The following AHI1 variants were observed in gnomAD, a reference collection of about 807,000 sequenced individuals.
The protein encoded by AHI1 is jouberin.
A neutral mutation model predicts 149.3 loss-of-function variants in AHI1; 123 were observed. That is an observed-to-expected ratio of 0.82 (90% CI 0.71 to 0.96). The LOEUF is 0.96. Ranked by LOEUF, AHI1 falls within the 40% of genes least tolerant of loss-of-function variation. AHI1 has a pLI of 0.00. For missense variants in AHI1, 1,439 were observed against 1,422.7 expected (o/e 1.01, Z -0.18); for synonymous variants, 475 against 459.8 (o/e 1.03, Z -0.42).
At chr6:135,361,003 C>A (rs993858208) in intron 23 of AHI1, among the ~76,000 whole-genome samples, 2 of 152,142 alleles carry the variant, frequency 1.3e-5, no homozygotes, top group Non-Finnish European at 2.9e-5. Flanking sequence ...TATCTTATTG[C>A]ATTTCTTTTT....
chr6:135,303,823 T>C (rs1473401110), intron 26 of AHI1, among the ~76,000 whole-genome samples: 1 of 152,182 alleles, frequency 6.6e-6, no homozygotes, highest in Non-Finnish European at 1.5e-5. Context: ...CACCCCCTGC[T>C]TCCCAACCCT....
rs151141283 is a variant in AHI1, at chr6:135,399,324, C to T, written c.2989-4428G>A. ...CTGATTCCGTTACTTCCTTAAGCTT[C>T]GTTAAAAGCTAAACTCCTTGAAAAA... On this transcript the variant is annotated intron_variant, in intron 22 of 28. Coordinates refer to ENST00000265602, the MANE Select transcript of AHI1 (RefSeq NM_001134831.2). Among the ~76,000 whole-genome samples, 448 of 152,318 alleles carry T rather than the reference C, an allele frequency of 2.9e-3. 2 individuals carry two copies. Among genetic ancestry groups the T allele is most frequent in the African/African-American group, 0.01 (422 of 41,572 alleles).
At chr6:135,482,268 G>A (rs1442164212) in intron 5 of AHI1, among the ~76,000 whole-genome samples, 1 of 152,026 alleles carries the variant, frequency 6.6e-6, no homozygotes, top group Non-Finnish European at 1.5e-5. Context: ...CTTTTTTAGT[G>A]GTATGCTGTT....
rs9402709 is a variant in AHI1, at chr6:135,492,113, G to T, written c.10+115C>A. On this transcript the variant is annotated intron_variant, in intron 4 of 28. Transcript: ENST00000265602. ...AGTATCTCTAAATGTAGTATATTTG[G>T]TCAATGACATCTACTGTATTCATTA... 0.86 allele frequency: 574,108 copies of T among 664,456 alleles called. 257,195 individuals are homozygous for T. Among genetic ancestry groups the T allele is most frequent in the East Asian group, 0.92 (29,990 of 32,620 alleles). The allele number at this position is 664,456 out of a possible 1,614,324, so 41.2% of individuals were successfully genotyped here. A position where few individuals can be genotyped will look rare whatever the true frequency, so the allele number is the denominator to read the frequency against.
chr6:135,434,205 AAC>A (rs1192433369), intron 15 of AHI1, among the ~76,000 whole-genome samples: 2 of 152,046 alleles, frequency 1.3e-5, no homozygotes, highest in Non-Finnish European at 2.9e-5. Flanking sequence ...GAGAAAAAAA[AAC>A]AGTTTCTATT....
chr6:135,451,426 T>C (rs894500988), intron 11 of AHI1, among the ~76,000 whole-genome samples: 1 of 152,146 alleles, frequency 6.6e-6, no homozygotes, highest in Non-Finnish European at 1.5e-5. Context: ...TATTATAGCA[T>C]GGAGTTTCAA....
intron 23 of AHI1, among the ~76,000 whole-genome samples, chr6:135,381,137 C>T (rs947584503): frequency 6.6e-6 from 1 of 151,690 alleles, no homozygotes; most frequent in Non-Finnish European, 1.5e-5. Context: ...CAAAATCAGA[C>T]TAAAAAGACT....
intron 26 of AHI1, chr6:135,302,807 T>C (rs1199543220): frequency 7.8e-7 from 1 of 1,289,076 alleles, no homozygotes; most frequent in Admixed American, 2.3e-5. Context: ...AGCTGTTTTG[T>C]TTTATTTTAC....
intron 24 of AHI1, among the ~76,000 whole-genome samples, chr6:135,338,681 A>C (rs1018456648): frequency 6.6e-6 from 1 of 152,232 alleles, no homozygotes; most frequent in African/African-American, 2.4e-5. Context: ...GCCAAATAAC[A>C]GTAAAAACAG....
chr6:135,479,346 G>A (rs1475087139), intron 5 of AHI1, among the ~76,000 whole-genome samples: 1 of 152,228 alleles, frequency 6.6e-6, no homozygotes, highest in Non-Finnish European at 1.5e-5. Context: ...ACCCTGCAGA[G>A]CCACAGGGTA....
At chr6:135,402,649 G>C (rs754318576) in intron 22 of AHI1, among the ~76,000 whole-genome samples, 3 of 151,920 alleles carry the variant, frequency 2.0e-5, no homozygotes, top group Non-Finnish European at 4.4e-5. Context: ...GAAATAGCAA[G>C]ACCAAACCCT....
intron 15 of AHI1, among the ~76,000 whole-genome samples, chr6:135,437,049 T>C (rs1785516247): frequency 6.6e-6 from 1 of 152,146 alleles, no homozygotes; most frequent in Non-Finnish European, 1.5e-5. Flanking sequence ...TGCCTCTTTG[T>C]TAAAAGAGAT....
intron 5 of AHI1, among the ~76,000 whole-genome samples, chr6:135,478,275 C>T (rs1793041243): frequency 6.6e-6 from 1 of 152,196 alleles, no homozygotes; most frequent in African/African-American, 2.4e-5. Flanking sequence ...TTTGGAACTT[C>T]ATAGAGACTT....
intron 9 of AHI1, 66 bp downstream of exon 9, chr6:135,457,428 A>G (rs1789144735): frequency 8.1e-7 from 1 of 1,228,166 alleles, no homozygotes; most frequent in Non-Finnish European, 1.2e-6. Flanking sequence ...TCAACTACCA[A>G]TGGCAGAAAA....
At chr6:135,400,503 C>G (rs1173414729) in intron 22 of AHI1, among the ~76,000 whole-genome samples, 1 of 150,924 alleles carries the variant, frequency 6.6e-6, no homozygotes, top group African/African-American at 2.4e-5. Flanking sequence ...AAGAAGCTTA[C>G]AGAGGTGTGT....
intron 23 of AHI1, among the ~76,000 whole-genome samples, chr6:135,382,135 T>C (rs181630572): frequency 2.8e-3 from 433 of 152,326 alleles, no homozygotes; most frequent in Non-Finnish European, 4.4e-3. Context: ...AAGAACAATG[T>C]TCCACTTTTT....
chr6:135,341,537 G>A (rs1029101232), intron 24 of AHI1, among the ~76,000 whole-genome samples: 1 of 151,956 alleles, frequency 6.6e-6, no homozygotes, highest in Non-Finnish European at 1.5e-5. Flanking sequence ...ACATATTCTT[G>A]TCCACAGAAC....
intron 27 of AHI1, 133 bp downstream of exon 27, chr6:135,300,367 C>A: frequency 4.3e-5 from 35 of 817,312 alleles, no homozygotes; most frequent in South Asian, 1.1e-4. Context: ...ACAAGCTAAA[C>A]TCCTTTAAAA....
chr6:135,468,249 CT>C (rs1791113920), intron 5 of AHI1, among the ~76,000 whole-genome samples: 1 of 151,948 alleles, frequency 6.6e-6, no homozygotes. Context: ...TTCACATGTT[CT>C]GTTTTAGAAG....
Sources: allele counts gnomAD v4.1 joint callset (sites outside exome capture counted in the v4.1 genomes callset), GRCh38; gene constraint gnomAD v4.1.1; transcripts MANE v1.5; gene names NCBI Gene and HGNC (gene_info 2026-07-23, HGNC 2026-07-21).